OARD1: variants seen among roughly 807,000 people sequenced by gnomAD.
OARD1 encodes ADP-ribose glycohydrolase OARD1.
Under a neutral mutation model 19.7 loss-of-function variants are expected in OARD1, and 19 were observed. The ratio of observed to expected loss-of-function variants is 0.96; its 90% CI spans 0.67 to 1.41. OARD1 has a LOEUF of 1.41. OARD1 is among the 40% of genes most tolerant of loss of function. The pLI, the probability that OARD1 is intolerant of heterozygous loss-of-function variation, is 0.00. For missense variants in OARD1, 190 were observed against 183.8 expected (o/e 1.03, Z -0.20); for synonymous variants, 70 against 61.8 (o/e 1.13, Z -0.62).
intron 1 of OARD1, among the ~76,000 whole-genome samples, chr6:41,081,765 C>CT (rs1206572702): frequency 1.3e-5 from 2 of 152,120 alleles, no homozygotes. Flanking sequence ...AGTGACCTGT[C>CT]TTATTACTAG....
Position 41,071,295 on chromosome 6 carries a change from A to T in OARD1, c.40-19T>A, listed in dbSNP as rs1328548924. On this transcript the variant is annotated intron_variant, in intron 2 of 5. Coordinates refer to ENST00000424266, the MANE Select transcript of OARD1 (RefSeq NM_001329686.2). Reference sequence around the variant, plus strand: ...AAGTGATCTAAAAAATGTGCAAAGGAAAAGACAATGTTTTATTAGATACAG... The same window carrying T: ...AAGTGATCTAAAAAATGTGCAAAGGTAAAGACAATGTTTTATTAGATACAG... 25 of 1,611,160 alleles carry T rather than the reference A, an allele frequency of 1.6e-5. No homozygotes were observed. The highest frequency in any genetic ancestry group is 2.0e-5 in the Non-Finnish European group (24 of 1,178,032).
chr6:41,067,536 A>C, intron 5 of OARD1, 99 bp from the exon 6 acceptor site: 7 of 774,516 alleles, frequency 9.0e-6, no homozygotes, highest in South Asian at 1.7e-5. Context: ...AAAACAAATA[A>C]TCTAGTCTGA....
At chr6:41,090,158 GTATCTTTGGGATC>G (rs1764162124) in intron 1 of OARD1, 1 of 1,257,338 alleles carries the variant, frequency 8.0e-7, no homozygotes, top group African/African-American at 1.5e-5. Context: ...TTCTTTGTTA[GTATCTTTGGGATC>G]TGTTGAATTG....
At chr6:41,093,140 T>C in intron 1 of OARD1, 1 of 1,489,328 alleles carries the variant, frequency 6.7e-7, no homozygotes, top group Non-Finnish European at 9.2e-7. Flanking sequence ...GTTCTACTTT[T>C]GAAATTATCT....
chr6:41,086,162 C>T (rs1764038274), intron 1 of OARD1, among the ~76,000 whole-genome samples: 1 of 152,048 alleles, frequency 6.6e-6, no homozygotes, highest in South Asian at 2.1e-4. Flanking sequence ...TGAGTAGAGA[C>T]AATGTGGTAT....
chr6:41,071,711 C>G, intron 1 of OARD1, 36 bp from the exon 2 acceptor site: 1 of 1,212,424 alleles, frequency 8.2e-7, no homozygotes, highest in Non-Finnish European at 1.2e-6. Context: ...AATGCTTAGG[C>G]AGCCTTAGTA....
upstream of OARD1, among the ~76,000 whole-genome samples, chr6:41,075,098 AT>A (rs768671517): frequency 2.0e-5 from 3 of 152,156 alleles, no homozygotes; most frequent in Non-Finnish European, 2.9e-5. Flanking sequence ...GATTTTCTTA[AT>A]TCATTTGATT....
intron 4 of OARD1, 170 bp downstream of exon 4, chr6:41,069,906 C>T (rs570333844): frequency 2.4e-5 from 16 of 676,500 alleles, no homozygotes; most frequent in South Asian, 1.9e-4. Flanking sequence ...TCCAAGTAGC[C>T]GCCATCACTG....
At chr6:41,080,757 A>T in intron 1 of OARD1, 1 of 1,457,742 alleles carries the variant, frequency 6.9e-7, no homozygotes, top group East Asian at 2.3e-5. Flanking sequence ...CTGTGTCTTG[A>T]ACTACACATT....
rs1763067388 is a variant in OARD1 at position 41,067,353 on chromosome 6, A to C, written c.441T>G (p.Ile147Met). ...EEVFEATDIKITVYTL is the reference protein window; with the variant it reads ...EEVFEATDIKMTVYTL ...CACTGGTTCAGAGTGTGTACACAGTAATTTTGATGTCTGTTGCCTCAAATA... is the reference window on the plus strand; with the variant it reads ...CACTGGTTCAGAGTGTGTACACAGTCATTTTGATGTCTGTTGCCTCAAATA... Residue 147 changes from isoleucine to methionine, a missense_variant, in exon 6 of 6, where the codon ATT becomes ATG. Ile to Met is a conservative substitution (Grantham distance 10). Transcript: ENST00000424266. The C allele has an allele frequency of 6.2e-7, 1 of 1,610,358 alleles. No homozygotes were observed.
intron 1 of OARD1, chr6:41,084,081 A>G (rs1433205253): frequency 1.2e-6 from 2 of 1,613,870 alleles, no homozygotes; most frequent in Admixed American, 1.7e-5. Context: ...AGGTCAGTGG[A>G]GGCCAGCTAA....
At chr6:41,084,608 G>GTCTGCT (rs1763991730) in intron 1 of OARD1, among the ~76,000 whole-genome samples, 1 of 152,196 alleles carries the variant, frequency 6.6e-6, no homozygotes, top group African/African-American at 2.4e-5. Flanking sequence ...AATAAAACAG[G>GTCTGCT]TAAATCCAGT....
At chr6:41,069,708 A>G (rs967564853) in intron 4 of OARD1, 4 of 277,182 alleles carry the variant, frequency 1.4e-5, no homozygotes, top group East Asian at 2.2e-4. Context: ...TTGACATGGA[A>G]TAAGAGAAAA....
intron 1 of OARD1, chr6:41,091,532 A>G: frequency 1.2e-6 from 2 of 1,612,990 alleles, no homozygotes; most frequent in Non-Finnish European, 1.7e-6. Context: ...TTAAAGTTAC[A>G]GTCCCTGTTT....
chr6:41,092,458 GTTAC>G (rs1391479395), intron 1 of OARD1, among the ~76,000 whole-genome samples: 3 of 152,194 alleles, frequency 2.0e-5, no homozygotes, highest in African/African-American at 7.2e-5. Flanking sequence ...ACAGGACTCT[GTTAC>G]TTGTTTTTAC....
In OARD1 at chr6:41,071,289, C is replaced by T. The variant is rs1159851445; in HGVS notation, c.40-13G>A. 8.7e-6 allele frequency: 14 copies of T among 1,611,908 alleles called. No individual in the cohort carries two copies. Among genetic ancestry groups the T allele is most frequent in the Admixed American group, 1.7e-5 (1 of 59,782 alleles). On this transcript the variant is annotated splice_polypyrimidine_tract_variant and intron_variant, in intron 2 of 5. Transcript: ENST00000424266. ...TCACATAAGTGATCTAAAAAATGTG[C>T]AAAGGAAAAGACAATGTTTTATTAG...
At chr6:41,079,234 C>T (rs990652445) in intron 1 of OARD1, 1 of 1,425,072 alleles carries the variant, frequency 7.0e-7, no homozygotes, top group Non-Finnish European at 9.9e-7. Context: ...ATTGGTTGGT[C>T]TATTGCCCTG....
intron 1 of OARD1, chr6:41,094,420 C>T (rs1361545423): frequency 3.1e-6 from 5 of 1,614,104 alleles, no homozygotes; most frequent in Non-Finnish European, 3.4e-6. Context: ...GTCTCGGCAC[C>T]GTCATGCCAT....
chr6:41,094,635 C>G, intron 1 of OARD1: 1 of 613,560 alleles, frequency 1.6e-6, no homozygotes, highest in South Asian at 2.0e-5. Flanking sequence ...TCTTATGTCT[C>G]TTTAGATTAT....
Sources: allele counts gnomAD v4.1 joint callset (sites outside exome capture counted in the v4.1 genomes callset), GRCh38; gene constraint gnomAD v4.1.1; transcripts MANE v1.5; gene names NCBI Gene and HGNC (gene_info 2026-07-23, HGNC 2026-07-21).